Variants in FHIT observed in about 807,000 individuals in gnomAD.
FHIT encodes bis(5'-adenosyl)-triphosphatase.
FHIT carries 19 observed loss-of-function variants against 17.9 expected under a neutral mutation model. The observed-to-expected ratio is 1.06, with a 90% confidence interval of 0.74 to 1.56. FHIT has a LOEUF of 1.56. FHIT is among the 40% of genes most tolerant of loss of function. The pLI is 0.00. For missense variants in FHIT, 248 were observed against 189.2 expected (o/e 1.31, Z -1.82); for synonymous variants, 81 against 69.7 (o/e 1.16, Z -0.81).
At chr3:60,277,470 C>T (rs1029129645) in intron 5 of FHIT, among the ~76,000 whole-genome samples, 19 of 152,170 alleles carry the variant, frequency 1.2e-4, no homozygotes, top group African/African-American at 4.6e-4. Flanking sequence ...TAAGCATGCT[C>T]AAAATGGCAG....
chr3:60,196,751 A>G (rs531951656), intron 5 of FHIT, among the ~76,000 whole-genome samples: 4 of 152,224 alleles, frequency 2.6e-5, no homozygotes, highest in South Asian at 2.1e-4. Flanking sequence ...ATATACATGC[A>G]CACACATATC....
intron 4 of FHIT, among the ~76,000 whole-genome samples, chr3:60,597,661 C>CA (rs1222120881): frequency 3.9e-5 from 6 of 152,218 alleles, no homozygotes; most frequent in African/African-American, 1.4e-4. Context: ...TTAAGACCCT[C>CA]AAGTGTGAAC....
Position 60,860,544 on chromosome 3 carries a change from GATACATATGTATCATATATCAGGTATA to G in FHIT, c.-110-38560_-110-38534del, listed in dbSNP as rs1703693984. 8.7e-5 allele frequency among the ~76,000 whole-genome samples: 2 copies of G among 22,938 alleles called. 1 individual carries two copies. The highest frequency in any genetic ancestry group is 2.7e-4 in the Non-Finnish European group (2 of 7,350). 15.0% of individuals were successfully genotyped at this position (22,938 alleles called of 152,430 possible). On this transcript the variant is annotated intron_variant, in intron 3 of 9. Coordinates refer to ENST00000492590, the MANE Select transcript of FHIT (RefSeq NM_002012.4). ...TGTATCATATATATCAGGTATATAT[GATACATATGTATCATATATCAGGTATA>G]TATGATACATATGTATCATATATCA...
At position 60,167,430 on chromosome 3, in the gene FHIT, A is replaced by G. The variant is rs576653382; in HGVS notation, c.104-153278T>C. Among the ~76,000 whole-genome samples the G allele has an allele frequency of 1.8e-4, 27 of 152,326 alleles. 2 individuals are homozygous for G. The South Asian group carries it at 5.4e-3, about 30-fold the overall frequency. On this transcript the variant is annotated intron_variant, in intron 5 of 9. Transcript: ENST00000492590. ...CATGCATATGTGTACACACACACACATATTTGCATTTTGCAGTTTAGACTC... is the reference window on the plus strand; with the variant it reads ...CATGCATATGTGTACACACACACACGTATTTGCATTTTGCAGTTTAGACTC...
chr3:60,549,060 C>T (rs2036461740), intron 4 of FHIT, among the ~76,000 whole-genome samples: 1 of 152,106 alleles, frequency 6.6e-6, no homozygotes, highest in Non-Finnish European at 1.5e-5. Flanking sequence ...TTGATAAGTG[C>T]TAGTCACAAT....
rs565553207 is a variant in FHIT, at chr3:60,335,887, T to A, written c.103+200973A>T. ...TGCTCCAAGTTACCACTAAGAAAAATTTTTAAAAATACATTAAATTACCAA... is the reference window on the plus strand; with the variant it reads ...TGCTCCAAGTTACCACTAAGAAAAAATTTTAAAAATACATTAAATTACCAA... On this transcript the variant is annotated intron_variant, in intron 5 of 9. Transcript: ENST00000492590. 3.0e-3 allele frequency among the ~76,000 whole-genome samples: 460 copies of A among 152,180 alleles called. 1 individual carries two copies. Among genetic ancestry groups the A allele is most frequent in the South Asian group, 0.022 (107 of 4,816 alleles).
rs1376237498 is a variant in FHIT, at chr3:60,014,105, G to A, written c.151C>T (p.Arg51Cys). The change falls in exon 6 of 10, where the codon CGT becomes TGT. Residue 51 changes from arginine (R) to cysteine (C), a missense_variant. Arg to Cys is a radical substitution (Grantham distance 180, BLOSUM62 -3). Transcript: ENST00000492590. ...LRPVERFHDLRPDEVADLFQT... is the reference protein window; with the variant it reads ...LRPVERFHDLCPDEVADLFQT... The stretch of plus-strand genomic sequence containing the variant: ...AACAAATCGGCCACTTCATCAGGAC[G>A]CAGGTCATGGAAGCGCTCCACTGGC... 8.7e-6 allele frequency: 14 copies of A among 1,613,986 alleles called. No individual in the cohort carries two copies. The African/African-American group carries it at 1.1e-4, about 12-fold the overall frequency.
intron 5 of FHIT, among the ~76,000 whole-genome samples, chr3:60,131,788 C>T (rs1345607226): frequency 6.6e-6 from 1 of 152,060 alleles, no homozygotes; most frequent in Non-Finnish European, 1.5e-5. Flanking sequence ...TAGCCTCTGC[C>T]CTCCTCAGTC....
chr3:60,568,956 A>C (rs1211135993), intron 4 of FHIT, among the ~76,000 whole-genome samples: 1 of 150,740 alleles, frequency 6.6e-6, no homozygotes, highest in African/African-American at 2.4e-5. Context: ...CACATTTATG[A>C]CAATTCATTA....
chr3:59,864,406 T>C lies in FHIT; in HGVS notation c.348+57940A>G, dbSNP rs1228673242. Among the ~76,000 whole-genome samples, 4 of 152,294 alleles carry C rather than the reference T, an allele frequency of 2.6e-5. No homozygotes were observed. In the East Asian group the frequency reaches 5.8e-4, roughly 22 times the overall value. ...AAGAAGTGCCTTTTGCCTTCCACCA[T>C]GATTCTGAGGACTCCCCAGCCATGT... On this transcript the variant is annotated intron_variant, in intron 8 of 9. Coordinates refer to ENST00000492590, the MANE Select transcript of FHIT (RefSeq NM_002012.4).
chr3:60,434,362 G>C (rs2030017640), intron 5 of FHIT, among the ~76,000 whole-genome samples: 1 of 152,056 alleles, frequency 6.6e-6, no homozygotes, highest in African/African-American at 2.4e-5. Context: ...ATACTCAGCA[G>C]GAATAAAAAG....
chr3:60,503,769 G>GTGT (rs2034616705), intron 5 of FHIT, among the ~76,000 whole-genome samples: 1 of 152,134 alleles, frequency 6.6e-6, no homozygotes, highest in Admixed American at 6.5e-5. Flanking sequence ...GAGTAGTGTT[G>GTGT]TGTTCTAGTT....
chr3:60,771,562 G>A (rs1480171571), intron 4 of FHIT, among the ~76,000 whole-genome samples: 2 of 152,156 alleles, frequency 1.3e-5, no homozygotes, highest in African/African-American at 4.8e-5. Context: ...TGCCTTGTCA[G>A]GATTCCAGTT....
At chr3:59,876,594 T>TCCC (rs1188953939) in intron 8 of FHIT, among the ~76,000 whole-genome samples, 166 of 152,234 alleles carry the variant, frequency 1.1e-3, no homozygotes, top group African/African-American at 3.7e-3. Context: ...ACTCATACCT[T>TCCC]TGGTGGGAGA....
At chr3:61,107,329 T>A (rs769479878) in intron 2 of FHIT, among the ~76,000 whole-genome samples, 10 of 152,206 alleles carry the variant, frequency 6.6e-5, no homozygotes, top group Non-Finnish European at 1.5e-4. Flanking sequence ...GGCTGAATAA[T>A]TTTCCAGGGT....
chr3:60,982,267 T>A (rs549543478), intron 3 of FHIT, among the ~76,000 whole-genome samples: 79 of 152,304 alleles, frequency 5.2e-4, no homozygotes, highest in Non-Finnish European at 9.9e-4. Flanking sequence ...CCAGTGAAGG[T>A]TATAAACTCA....
At chr3:60,528,748 C>A (rs1476839173) in intron 5 of FHIT, among the ~76,000 whole-genome samples, 1 of 152,116 alleles carries the variant, frequency 6.6e-6, no homozygotes, top group East Asian at 1.9e-4. Context: ...CCTGTTATTA[C>A]AATATTGAAA....
At chr3:60,875,198 G>C (rs1012130628) in intron 3 of FHIT, among the ~76,000 whole-genome samples, 1 of 152,022 alleles carries the variant, frequency 6.6e-6, no homozygotes, top group African/African-American at 2.4e-5. Context: ...CAAAGAAATA[G>C]GTCTGACTAC....
At chr3:61,216,218 C>T (rs145327770) in intron 1 of FHIT, among the ~76,000 whole-genome samples, 16,186 of 152,090 alleles carry the variant, frequency 0.11, 1,050 homozygotes, top group South Asian at 0.21. Flanking sequence ...CCTACAGAAT[C>T]GGAGAAAATG....
Sources: gnomAD v4.1 joint callset for allele counts (sites outside exome capture counted in the v4.1 genomes callset) on GRCh38, gnomAD v4.1.1 for gene constraint, MANE v1.5 for transcripts, NCBI Gene and HGNC (gene_info 2026-07-23, HGNC 2026-07-21) for gene names.